AGPAT4: variants seen among roughly 807,000 people sequenced by gnomAD.
The protein encoded by AGPAT4 is 1-acylglycerol-3-phosphate O-acyltransferase 4, also known as 1-acyl-sn-glycerol-3-phosphate acyltransferase delta.
A neutral mutation model predicts 48.0 loss-of-function variants in AGPAT4; 15 were observed. The observed-to-expected ratio is 0.31, with a 90% CI of 0.21 to 0.48. The LOEUF (loss-of-function observed/expected upper bound fraction) is 0.48. Ranked by LOEUF, AGPAT4 falls within the 20% of genes least tolerant of loss-of-function variation. The probability of loss-of-function intolerance (pLI) is 0.99; values close to 1 mark genes in which losing one functional copy is unlikely to be tolerated. For missense variants in AGPAT4, 314 were observed against 482.5 expected (o/e 0.65, Z 3.27); for synonymous variants, 178 against 198.7 (o/e 0.90, Z 0.88).
At chr6:161,160,774 C>T (rs188290475) in intron 3 of AGPAT4, 2 of 348,724 alleles carry the variant, frequency 5.7e-6, no homozygotes, top group East Asian at 7.5e-5. Flanking sequence ...GTCCTCAAGG[C>T]CCCTTCCCAG....
rs376778389 is a variant in AGPAT4, at chr6:161,255,488, C to T, written c.-90+18450G>A. Among the ~76,000 whole-genome samples the T allele has an allele frequency of 5.9e-5, 9 of 152,082 alleles. No homozygotes were observed. The highest frequency in any genetic ancestry group is 2.6e-4 in the Admixed American group (4 of 15,256). ...CAGCCCCAGTGTTCATCAACTGATG[C>T]GTGGATAAATACAATACAGTATATC... On this transcript the variant is annotated intron_variant, in intron 1 of 8. Transcript: ENST00000320285. The surrounding 1 kb of genome is among the most constrained non-coding windows in gnomAD (Gnocchi z 4.7).
At chr6:161,160,154 G>T in intron 3 of AGPAT4, 1 of 119,442 alleles carries the variant, frequency 8.4e-6, no homozygotes, top group African/African-American at 3.4e-5. Flanking sequence ...TACAGACGAG[G>T]TTTCAACATG....
At position 161,229,576 on chromosome 6, in the gene AGPAT4, T is replaced by TA. The variant is rs1371437641; in HGVS notation, c.178+2459dup. On this transcript the variant is annotated intron_variant, in intron 2 of 8. Transcript: ENST00000320285. This position sits in a 1 kb window ranked among gnomAD's most constrained non-coding sequence, Gnocchi z 6.0. ...AACCAGGAAAAGCGAACAGCCCTGC[T>TA]AACACCTATGGGGATACCAGAAACG... Among the ~76,000 whole-genome samples the TA allele has an allele frequency of 2.0e-5, 3 of 152,286 alleles. No homozygotes were observed. The highest frequency in any genetic ancestry group is 7.2e-5 in the African/African-American group (3 of 41,556).
intron 1 of AGPAT4, among the ~76,000 whole-genome samples, chr6:161,263,489 G>GAAAAAC (rs1783165548): frequency 6.6e-6 from 1 of 151,980 alleles, no homozygotes; most frequent in Admixed American, 6.6e-5. Context: ...AGACTCTCTC[G>GAAAAAC]AAAAACAAAA....
At position 161,196,430 on chromosome 6, in the gene AGPAT4, T is replaced by A. The variant is rs559323540; in HGVS notation, c.179-30013A>T. On this transcript the variant is annotated intron_variant, in intron 2 of 8. Transcript: ENST00000320285. This position sits in a 1 kb window ranked among gnomAD's most constrained non-coding sequence, Gnocchi z 4.3. ...AGTGAGGGGTAGGACTGTGGTCCTA[T>A]CCAGGGTCTGAAATAGGTCTGAAGC... is the stretch of plus-strand genomic sequence containing the variant. 6.6e-6 allele frequency among the ~76,000 whole-genome samples: 1 copy of A among 152,226 alleles called. No individual in the cohort carries two copies. Among genetic ancestry groups the A allele is most frequent in the Admixed American group, 6.5e-5 (1 of 15,300 alleles).
rs906474004 is a variant in AGPAT4, at chr6:161,159,245, C to CATA, written c.349-4938_349-4936dup. ...ACAGCCTCCATTCTGATGTATGGTG[C>CATA]ATAAGCGCATCAGATTGGAATCTTC... On this transcript the variant is annotated intron_variant, in intron 3 of 8. Transcript: ENST00000320285. The surrounding 1 kb of genome is among the most constrained non-coding windows in gnomAD (Gnocchi z 4.1). Among the ~76,000 whole-genome samples the CATA allele has an allele frequency of 6.6e-6, 1 of 152,198 alleles. No homozygotes were observed. The highest frequency in any genetic ancestry group is 1.5e-5 in the Non-Finnish European group (1 of 68,046).
Position 161,148,174 on chromosome 6 carries a change from G to A in AGPAT4, c.767+1013C>T, listed in dbSNP as rs1463273263. ...AAACCTCACTTTACTCCTAGGAGAA[G>A]GTCTAAAGGTCTCCTTCGGGCAGGT... On this transcript the variant is annotated intron_variant, in intron 6 of 8. Coordinates refer to ENST00000320285, the MANE Select transcript of AGPAT4 (RefSeq NM_020133.3). This position sits in a 1 kb window ranked among gnomAD's most constrained non-coding sequence, Gnocchi z 5.5. 6.6e-6 allele frequency among the ~76,000 whole-genome samples: 1 copy of A among 152,332 alleles called. No individual in the cohort carries two copies. Among genetic ancestry groups the A allele is most frequent in the South Asian group, 2.1e-4 (1 of 4,826 alleles).
At chr6:161,173,755 C>T (rs1208598890) in intron 2 of AGPAT4, among the ~76,000 whole-genome samples, 3 of 152,186 alleles carry the variant, frequency 2.0e-5, no homozygotes, top group Non-Finnish European at 4.4e-5. Context: ...CCTAGGTTTT[C>T]TTCTAGGGTT....
chr6:161,236,243 G>A lies in AGPAT4; in HGVS notation c.-89-3941C>T, dbSNP rs1241161214. Among the ~76,000 whole-genome samples, 1 of 151,944 alleles carries A rather than the reference G, an allele frequency of 6.6e-6. No individual in the cohort carries two copies. The highest frequency in any genetic ancestry group is 1.5e-5 in the Non-Finnish European group (1 of 67,996). On this transcript the variant is annotated intron_variant, in intron 1 of 8. Coordinates refer to ENST00000320285, the MANE Select transcript of AGPAT4 (RefSeq NM_020133.3). The surrounding 1 kb of genome is among the most constrained non-coding windows in gnomAD (Gnocchi z 5.0). ...GAGTTTCTAAATCAACAGAGAACTAGGAAGCTGCTGCTATGCCATATTTCT... is the reference window on the plus strand; with the variant it reads ...GAGTTTCTAAATCAACAGAGAACTAAGAAGCTGCTGCTATGCCATATTTCT...
rs1227748357 is a variant in AGPAT4 at position 161,234,722 on chromosome 6, G to T, written c.-89-2420C>A. ...CTCGGTTTTTCACTAGGTTTCTGGG[G>T]TCTAGAGTTTGTAAATTACTTGACA... On this transcript the variant is annotated intron_variant, in intron 1 of 8. Coordinates refer to ENST00000320285, the MANE Select transcript of AGPAT4 (RefSeq NM_020133.3). The surrounding 1 kb of genome is among the most constrained non-coding windows in gnomAD (Gnocchi z 4.4). Among the ~76,000 whole-genome samples the T allele has an allele frequency of 1.3e-5, 2 of 152,084 alleles. No homozygotes were observed. The highest frequency in any genetic ancestry group is 4.8e-5 in the African/African-American group (2 of 41,410).
chr6:161,230,114 A>G (rs1782085124), intron 2 of AGPAT4, among the ~76,000 whole-genome samples: 1 of 152,232 alleles, frequency 6.6e-6, no homozygotes, highest in African/African-American at 2.4e-5. Context: ...AATTTCCACC[A>G]GAAACAAATA....
chr6:161,170,170 A>C (rs1204146705), intron 2 of AGPAT4, among the ~76,000 whole-genome samples: 1 of 152,048 alleles, frequency 6.6e-6, no homozygotes, highest in African/African-American at 2.4e-5. Flanking sequence ...CCCAGTTTAT[A>C]TCCATCGCCC....
At chr6:161,157,257 A>G (rs765785095) in intron 3 of AGPAT4, among the ~76,000 whole-genome samples, 2 of 152,254 alleles carry the variant, frequency 1.3e-5, no homozygotes, top group Non-Finnish European at 2.9e-5. Flanking sequence ...AGGGGCTGAC[A>G]TCAGCATGCT....
rs1782806419 is a variant in AGPAT4 at position 161,251,622 on chromosome 6, T to C, written c.-89-19320A>G. Among the ~76,000 whole-genome samples, 1 of 152,178 alleles carries C rather than the reference T, an allele frequency of 6.6e-6. No homozygotes were observed. Among genetic ancestry groups the C allele is most frequent in the Non-Finnish European group, 1.5e-5 (1 of 68,036 alleles). ...GCTGGTTAAAGACCCGCAGGGAGGA[T>C]GGAAGCTGCGCCTGAGAGCTCCTGC... is the stretch of plus-strand genomic sequence containing the variant. On this transcript the variant is annotated intron_variant, in intron 1 of 8. Coordinates refer to ENST00000320285, the MANE Select transcript of AGPAT4 (RefSeq NM_020133.3). This position sits in a 1 kb window ranked among gnomAD's most constrained non-coding sequence, Gnocchi z 4.6.
rs892616115 is a variant in AGPAT4 at position 161,262,373 on chromosome 6, G to A, written c.-90+11565C>T. 3.9e-5 allele frequency among the ~76,000 whole-genome samples: 6 copies of A among 152,216 alleles called. No homozygotes were observed. The highest frequency in any genetic ancestry group is 8.8e-5 in the Non-Finnish European group (6 of 68,034). The stretch of plus-strand genomic sequence containing the variant: ...GGAGCTGCAGCCATGGTGGCCAGCT[G>A]CCGCGTCTGTCCCTGCCACACAGGG... On this transcript the variant is annotated intron_variant, in intron 1 of 8. Transcript: ENST00000320285. The surrounding 1 kb of genome is among the most constrained non-coding windows in gnomAD (Gnocchi z 4.9).
chr6:161,185,157 AAAC>A (rs1780731723), intron 2 of AGPAT4, among the ~76,000 whole-genome samples: 1 of 152,070 alleles, frequency 6.6e-6, no homozygotes, highest in South Asian at 2.1e-4. Flanking sequence ...AAAAAAAAAA[AAAC>A]AAGAGGGAGA....
intron 1 of AGPAT4, among the ~76,000 whole-genome samples, chr6:161,268,155 G>A (rs1173370314): frequency 6.6e-6 from 1 of 152,150 alleles, no homozygotes; most frequent in Admixed American, 6.5e-5. Flanking sequence ...TTTGTTATGA[G>A]GCTAAAATGA....
At position 161,234,114 on chromosome 6, in the gene AGPAT4, C is replaced by T. The variant is rs1302151454; in HGVS notation, c.-89-1812G>A. ...CCTTTGGCAGAGCAGCCCAGAAATTCCCCCAAGGGCAGAAGACAGCACAGC... is the reference window on the plus strand; with the variant it reads ...CCTTTGGCAGAGCAGCCCAGAAATTTCCCCAAGGGCAGAAGACAGCACAGC... On this transcript the variant is annotated intron_variant, in intron 1 of 8. Coordinates refer to ENST00000320285, the MANE Select transcript of AGPAT4 (RefSeq NM_020133.3). This position sits in a 1 kb window ranked among gnomAD's most constrained non-coding sequence, Gnocchi z 4.4. Among the ~76,000 whole-genome samples the T allele has an allele frequency of 6.6e-6, 1 of 152,128 alleles. No individual in the cohort carries two copies. Among genetic ancestry groups the T allele is most frequent in the East Asian group, 1.9e-4 (1 of 5,184 alleles).
rs561550838 is a variant in AGPAT4 at position 161,187,567 on chromosome 6, TCTCA to T, written c.179-21154_179-21151del. On this transcript the variant is annotated intron_variant, in intron 2 of 8. Transcript: ENST00000320285. ...TTTATTTATTTAGAGACAGGGAGGGTCTCACTGTCTCGCTCAGGCTGGATGGAGT... is the reference window on the plus strand; with the variant it reads ...TTTATTTATTTAGAGACAGGGAGGGTCTGTCTCGCTCAGGCTGGATGGAGT... Among the ~76,000 whole-genome samples, 16 of 151,334 alleles carry T rather than the reference TCTCA, an allele frequency of 1.1e-4. No individual in the cohort carries two copies. In the South Asian group the frequency reaches 3.3e-3, roughly 32 times the overall value.
Sources: gnomAD v4.1 joint callset for allele counts (sites outside exome capture counted in the v4.1 genomes callset) on GRCh38, gnomAD v4.1.1 for gene constraint, Gnocchi (gnomAD v3.1) non-coding constraint, MANE v1.5 for transcripts, NCBI Gene and HGNC (gene_info 2026-07-23, HGNC 2026-07-21) for gene names.